The following SLC39A11 variants were observed in gnomAD, a reference collection of about 807,000 sequenced individuals.
SLC39A11 encodes zinc transporter ZIP11.
SLC39A11 carries 33 observed loss-of-function variants against 36.1 expected under a neutral mutation model. That is an observed-to-expected ratio of 0.91 (90% CI 0.69 to 1.22). The LOEUF is 1.22. Ranked by LOEUF, SLC39A11 falls within the 50% of genes most tolerant of loss-of-function variation. The pLI, the probability that SLC39A11 is intolerant of heterozygous loss-of-function variation, is 0.00. For missense variants in SLC39A11, 432 were observed against 430.3 expected, an observed-to-expected ratio of 1.00 and a Z score of -0.03; for synonymous variants, 166 against 170.3, an observed-to-expected ratio of 0.97 and a Z score of 0.20.
chr17:72,648,064 T>G (rs2069649884), intron 9 of SLC39A11, among the ~76,000 whole-genome samples: 1 of 152,084 alleles, frequency 6.6e-6, no homozygotes, highest in Non-Finnish European at 1.5e-5. Flanking sequence ...GAGCAGTGGC[T>G]CAAGCCTGTA....
At chr17:72,695,969 A>C (rs2072276176) in intron 7 of SLC39A11, among the ~76,000 whole-genome samples, 3 of 152,184 alleles carry the variant, frequency 2.0e-5, no homozygotes, top group Non-Finnish European at 4.4e-5. Context: ...TAAGCCACCC[A>C]GTTTGTGGTA....
At position 72,884,967 on chromosome 17, in the gene SLC39A11, T is replaced by C. The variant is rs574236924; in HGVS notation, c.431-35163A>G. 2.6e-5 allele frequency among the ~76,000 whole-genome samples: 4 copies of C among 152,326 alleles called. 1 individual carries two copies. Among genetic ancestry groups the C allele is most frequent in the African/African-American group, 9.6e-5 (4 of 41,586 alleles). Reference sequence around the variant, plus strand: ...CTTTCTTGCAGTAGGATACTTAACTTTCTTCAGATTTATCATCCCTTTAAA... The same window carrying C: ...CTTTCTTGCAGTAGGATACTTAACTCTCTTCAGATTTATCATCCCTTTAAA... On this transcript the variant is annotated intron_variant, in intron 5 of 9. Transcript: ENST00000255559.
chr17:72,648,687 G>T (rs2069697248), intron 9 of SLC39A11, 116 bp downstream of exon 9: 12 of 1,255,650 alleles, frequency 9.6e-6, no homozygotes, highest in South Asian at 5.8e-5. Context: ...TTGGGAAGGG[G>T]CAGAGAGGGG....
intron 7 of SLC39A11, among the ~76,000 whole-genome samples, chr17:72,702,669 G>A (rs2072704791): frequency 6.6e-6 from 1 of 152,048 alleles, no homozygotes; most frequent in Non-Finnish European, 1.5e-5. Flanking sequence ...AGGCATGGTG[G>A]CTCACAAATG....
chr17:73,020,254 T>C (rs1459539072), intron 4 of SLC39A11, among the ~76,000 whole-genome samples: 1 of 152,034 alleles, frequency 6.6e-6, no homozygotes, highest in Non-Finnish European at 1.5e-5. Context: ...CTTTTGGAGG[T>C]AATTAGGGTT....
At chr17:73,035,111 A>T (rs759343842) in intron 3 of SLC39A11, among the ~76,000 whole-genome samples, 1 of 152,112 alleles carries the variant, frequency 6.6e-6, no homozygotes, top group Non-Finnish European at 1.5e-5. Context: ...TGAAAAAAGC[A>T]CCCAAAGCAA....
chr17:72,994,795 A>G (rs1256431771), intron 4 of SLC39A11, among the ~76,000 whole-genome samples: 1 of 152,208 alleles, frequency 6.6e-6, no homozygotes, highest in African/African-American at 2.4e-5. Flanking sequence ...GAGACTTTCA[A>G]ATCAAATGCC....
chr17:73,057,957 T>C (rs964354403), intron 3 of SLC39A11, among the ~76,000 whole-genome samples: 5 of 151,314 alleles, frequency 3.3e-5, no homozygotes, highest in Non-Finnish European at 7.4e-5. Flanking sequence ...AAACACAGGC[T>C]GGCTTGGGAA....
chr17:73,012,616 G>C (rs2090586475), intron 4 of SLC39A11, among the ~76,000 whole-genome samples: 1 of 151,922 alleles, frequency 6.6e-6, no homozygotes, highest in Non-Finnish European at 1.5e-5. Flanking sequence ...TGATGCTAAG[G>C]TTAGGAGTAG....
At chr17:72,727,607 G>A (rs1384816364) in intron 7 of SLC39A11, among the ~76,000 whole-genome samples, 1 of 146,456 alleles carries the variant, frequency 6.8e-6, no homozygotes, top group Non-Finnish European at 1.5e-5. Flanking sequence ...AGCTGAGATC[G>A]TGCCACTGCA....
chr17:72,669,227 G>C (rs1423289497), intron 7 of SLC39A11, among the ~76,000 whole-genome samples: 1 of 152,178 alleles, frequency 6.6e-6, no homozygotes, highest in Non-Finnish European at 1.5e-5. Context: ...GTAAGACGAT[G>C]ATCAAAACTG....
At chr17:72,832,996 G>A (rs1284900148) in intron 6 of SLC39A11, among the ~76,000 whole-genome samples, 1 of 152,134 alleles carries the variant, frequency 6.6e-6, no homozygotes, top group Non-Finnish European at 1.5e-5. Context: ...GGTATTTCAA[G>A]AAACAAAAAT....
intron 7 of SLC39A11, among the ~76,000 whole-genome samples, chr17:72,711,821 G>T (rs1157250080): frequency 6.6e-6 from 1 of 152,198 alleles, no homozygotes; most frequent in Admixed American, 6.5e-5. Context: ...GAAAAATTCA[G>T]AAGTGTGGCA....
intron 6 of SLC39A11, among the ~76,000 whole-genome samples, chr17:72,806,732 G>A (rs149919359): frequency 0.011 from 1,699 of 152,222 alleles, 27 homozygotes; most frequent in African/African-American, 0.038. Flanking sequence ...ACAGGCGCCC[G>A]TCACCATGCC....
chr17:73,076,172 A>AG (rs1357120502), intron 3 of SLC39A11, among the ~76,000 whole-genome samples: 4 of 151,922 alleles, frequency 2.6e-5, no homozygotes, highest in Admixed American at 6.6e-5. Context: ...AAAAAAAAAA[A>AG]GTCAAGGCTA....
intron 3 of SLC39A11, among the ~76,000 whole-genome samples, chr17:73,044,667 A>C (rs1321299320): frequency 1.3e-5 from 2 of 152,110 alleles, no homozygotes; most frequent in African/African-American, 2.4e-5. Context: ...TGAGGCCAGG[A>C]GTTCAAGACC....
chr17:73,064,328 TA>T (rs5821941), intron 3 of SLC39A11, among the ~76,000 whole-genome samples: 14,349 of 152,166 alleles, frequency 0.094, 1,023 homozygotes, highest in East Asian at 0.22. Flanking sequence ...AACAAGCTAT[TA>T]AAAAAGTTTC....
At chr17:72,827,679 C>T (rs1158102275) in intron 6 of SLC39A11, among the ~76,000 whole-genome samples, 1 of 152,212 alleles carries the variant, frequency 6.6e-6, no homozygotes, top group Non-Finnish European at 1.5e-5. Context: ...CTATTGCCTT[C>T]AGCCATCTCA....
chr17:72,839,913 C>T (rs550963395), intron 6 of SLC39A11, among the ~76,000 whole-genome samples: 15 of 152,286 alleles, frequency 9.8e-5, no homozygotes, highest in African/African-American at 3.1e-4. Context: ...CAGACATTAA[C>T]GTTTAATGTG....
Sources: gnomAD v4.1 joint callset for allele counts (sites outside exome capture counted in the v4.1 genomes callset) on GRCh38, gnomAD v4.1.1 for gene constraint, MANE v1.5 for transcripts, NCBI Gene and HGNC (gene_info 2026-07-23, HGNC 2026-07-21) for gene names.